Variants in STIM1 observed in about 807,000 individuals in gnomAD.
STIM1 encodes the protein stromal interaction molecule 1.
In STIM1, 25 loss-of-function variants were observed where a neutral mutation model predicts 74.7. The ratio of observed to expected loss-of-function variants is 0.33; its 90% CI spans 0.24 to 0.47. The LOEUF is 0.47. Ranked by LOEUF, STIM1 falls within the 20% of genes least tolerant of loss-of-function variation. STIM1 has a pLI of 1.00. For synonymous variants in STIM1, 328 were observed against 348.8 expected, an observed-to-expected ratio of 0.94 and a Z score of 0.66; for missense variants, 728 against 920.8, an observed-to-expected ratio of 0.79 and a Z score of 2.71.
Position 3,941,669 on chromosome 11 carries a change from T to TAGAGAGAG in STIM1, c.140-25882_140-25881insGAGAGAGA, listed in dbSNP as rs1233313065. Among the ~76,000 whole-genome samples, 456 of 86,344 alleles carry TAGAGAGAG rather than the reference T, an allele frequency of 5.3e-3. 1 individual carries two copies. The highest frequency in any genetic ancestry group is 0.011 in the South Asian group (24 of 2,182). The allele number at this position is 86,344 out of a possible 152,430, so 56.6% of individuals were successfully genotyped here. A position where few individuals can be genotyped will look rare whatever the true frequency, so the allele number is the denominator to read the frequency against. Reference sequence around the variant, plus strand: ...GTGTGTATACATATATATATATATATATATAGAGAGAGAGAGAGAGAGAGA... The same window carrying TAGAGAGAG: ...GTGTGTATACATATATATATATATATAGAGAGAGATATAGAGAGAGAGAGAGAGAGAGA... On this transcript the variant is annotated intron_variant, in intron 1 of 12. Transcript: ENST00000526596.
At chr11:4,005,207 A>G (rs1188154644) in intron 2 of STIM1, among the ~76,000 whole-genome samples, 1 of 152,206 alleles carries the variant, frequency 6.6e-6, no homozygotes, top group East Asian at 1.9e-4. Flanking sequence ...TAGAAATACC[A>G]TTTGACCCAG....
intron 1 of STIM1, among the ~76,000 whole-genome samples, chr11:3,893,257 C>T (rs1435973004): frequency 6.6e-6 from 1 of 152,142 alleles, no homozygotes; most frequent in African/African-American, 2.4e-5. Flanking sequence ...TGGTGCCTAG[C>T]CAGCATAGAT....
At chr11:3,895,620 T>TTC (rs1260871957) in intron 1 of STIM1, among the ~76,000 whole-genome samples, 179 of 4,356 alleles carry the variant, frequency 0.041, no homozygotes, top group South Asian at 0.12. Flanking sequence ...CTTTCTTTCT[T>TTC]TCTTTCTTTC....
chr11:4,018,830 C>T (rs1479548615), intron 2 of STIM1: 1 of 152,300 alleles, frequency 6.6e-6, no homozygotes, highest in Non-Finnish European at 1.5e-5. Flanking sequence ...CTGCCCTTCT[C>T]CATTCTTGGG....
In STIM1 at chr11:3,957,297, C is replaced by T. The variant is rs1375707517; in HGVS notation, c.140-10255C>T. 6.6e-5 allele frequency among the ~76,000 whole-genome samples: 10 copies of T among 152,094 alleles called. No individual in the cohort carries two copies. In the South Asian group the frequency reaches 8.3e-4, roughly 13 times the overall value. ...TTTGAGACAGATTCTTGCTCTGTTG[C>T]GCAGGCTGGAGTGCAGTGGTGTGGT... On this transcript the variant is annotated intron_variant, in intron 1 of 12. Transcript: ENST00000526596.
At chr11:3,998,040 A>G (rs1269224184) in intron 2 of STIM1, among the ~76,000 whole-genome samples, 1 of 152,182 alleles carries the variant, frequency 6.6e-6, no homozygotes, top group Non-Finnish European at 1.5e-5. Context: ...CATCACTGTA[A>G]TAGTGGGCCC....
chr11:3,966,017 C>T (rs2093337207), intron 1 of STIM1, among the ~76,000 whole-genome samples: 1 of 151,994 alleles, frequency 6.6e-6, no homozygotes, highest in South Asian at 2.1e-4. Flanking sequence ...AAAAAACAAA[C>T]AAACAAACAA....
At chr11:3,877,253 AT>A (rs1299333421) in intron 1 of STIM1, among the ~76,000 whole-genome samples, 1 of 151,576 alleles carries the variant, frequency 6.6e-6, no homozygotes, top group African/African-American at 2.4e-5. Context: ...CATTATTATT[AT>A]TATTATTATT....
At chr11:3,936,730 G>A (rs2092936358) in intron 1 of STIM1, among the ~76,000 whole-genome samples, 1 of 152,200 alleles carries the variant, frequency 6.6e-6, no homozygotes, top group South Asian at 2.1e-4. Context: ...TCTGGAGATG[G>A]AGAGTGGCCT....
At chr11:4,012,403 G>A (rs2093846844) in intron 2 of STIM1, among the ~76,000 whole-genome samples, 1 of 152,166 alleles carries the variant, frequency 6.6e-6, no homozygotes, top group African/African-American at 2.4e-5. Context: ...ATTTCGTTGA[G>A]CAGTTGTTTG....
intron 3 of STIM1, among the ~76,000 whole-genome samples, chr11:4,048,157 A>C (rs142211876): frequency 9.2e-5 from 14 of 152,302 alleles, no homozygotes; most frequent in African/African-American, 3.1e-4. Flanking sequence ...TATGGATCTT[A>C]TGAGAGGACA....
At chr11:3,945,000 C>G (rs1355163166) in intron 1 of STIM1, among the ~76,000 whole-genome samples, 1 of 152,134 alleles carries the variant, frequency 6.6e-6, no homozygotes, top group East Asian at 1.9e-4. Context: ...TCTGACTTCC[C>G]TCTATCACAG....
At chr11:4,088,536 C>T in intron 12 of STIM1, 1 of 622,646 alleles carries the variant, frequency 1.6e-6, no homozygotes, top group Non-Finnish European at 2.9e-6. Context: ...GAGACTGCTC[C>T]TTCCAGTACA....
intron 2 of STIM1, among the ~76,000 whole-genome samples, chr11:4,023,162 T>C (rs1200514663): frequency 6.6e-6 from 1 of 152,010 alleles, no homozygotes; most frequent in African/African-American, 2.4e-5. Flanking sequence ...AACCCTATCT[T>C]TACTGAAATA....
chr11:3,997,012 A>G (rs1590632170), intron 2 of STIM1, among the ~76,000 whole-genome samples: 1 of 152,230 alleles, frequency 6.6e-6, no homozygotes, highest in Non-Finnish European at 1.5e-5. Context: ...GGTTCCCCAG[A>G]CAGTATTCTT....
intron 1 of STIM1, among the ~76,000 whole-genome samples, chr11:3,914,473 C>G (rs1477771414): frequency 1.3e-5 from 2 of 152,124 alleles, no homozygotes; most frequent in Non-Finnish European, 2.9e-5. Context: ...GACGGAGTCT[C>G]ACTCTGTCGC....
chr11:3,994,463 C>CTTTT (rs56255114), intron 2 of STIM1, among the ~76,000 whole-genome samples: 4 of 134,388 alleles, frequency 3.0e-5, no homozygotes, highest in East Asian at 2.1e-4. Flanking sequence ...CTTTTTCTTT[C>CTTTT]TTTTTTTTTT....
At chr11:4,027,390 C>T (rs1018136159) in intron 3 of STIM1, among the ~76,000 whole-genome samples, 1 of 152,000 alleles carries the variant, frequency 6.6e-6, no homozygotes, top group Non-Finnish European at 1.5e-5. Flanking sequence ...CAGCTCACTG[C>T]CACCTCCGCC....
chr11:4,059,836 C>A (rs1334309588), intron 5 of STIM1, among the ~76,000 whole-genome samples: 1 of 152,190 alleles, frequency 6.6e-6, no homozygotes, highest in Non-Finnish European at 1.5e-5. Flanking sequence ...GCAGAGTAAA[C>A]AACCTGAGCA....
Sources: gnomAD v4.1 joint callset for allele counts (sites outside exome capture counted in the v4.1 genomes callset) on GRCh38, gnomAD v4.1.1 for gene constraint, MANE v1.5 for transcripts, NCBI Gene and HGNC (gene_info 2026-07-23, HGNC 2026-07-21) for gene names.